The following VGLL1 variants were observed in gnomAD, a reference collection of about 807,000 sequenced individuals.
VGLL1 encodes transcription cofactor vestigial-like protein 1.
Under a neutral mutation model 12.0 loss-of-function variants are expected in VGLL1, and 4 were observed. The ratio of observed to expected loss-of-function variants is 0.33; its 90% CI spans 0.16 to 0.76. The LOEUF is 0.76. VGLL1 is among the 30% of genes least tolerant of loss of function. The probability of loss-of-function intolerance (pLI) is 0.60; values close to 1 mark genes in which losing one functional copy is unlikely to be tolerated. For missense variants in VGLL1, 204 were observed against 208.7 expected, an observed-to-expected ratio of 0.98 and a Z score of 0.14; for synonymous variants, 87 against 81.2, an observed-to-expected ratio of 1.07 and a Z score of -0.39.
intron 2 of VGLL1, among the ~76,000 whole-genome samples, chrX:136,543,734 C>T (rs988457758): frequency 1.1e-4 from 11 of 96,855 alleles, no homozygotes; most frequent in African/African-American, 3.5e-4. Context: ...CAGTACACTC[C>T]AGCCTGGGAG....
chrX:136,537,496 G>A (rs1603308173), intron 2 of VGLL1, among the ~76,000 whole-genome samples: 1 of 112,022 alleles, frequency 8.9e-6, no homozygotes, highest in Non-Finnish European at 1.9e-5. Context: ...TAAATGCTGG[G>A]TTTACTGCTC....
At chrX:136,548,519 TAA>T in intron 2 of VGLL1, 68 bp from the exon 3 acceptor site, 2 of 935,899 alleles carry the variant, frequency 2.1e-6, no homozygotes, top group Middle Eastern at 2.9e-4. Flanking sequence ...GAGTATGTAT[TAA>T]AAAAAAAACT....
chrX:136,552,013 C>A (rs2075887652), intron 4 of VGLL1, among the ~76,000 whole-genome samples: 1 of 111,447 alleles, frequency 9.0e-6, no homozygotes, highest in Non-Finnish European at 1.9e-5. Flanking sequence ...GGGGTGAGGG[C>A]AATCTATAGA....
chrX:136,539,524 C>T (rs2075850046), intron 2 of VGLL1, among the ~76,000 whole-genome samples: 1 of 111,476 alleles, frequency 9.0e-6, no homozygotes, highest in Admixed American at 9.5e-5. Flanking sequence ...ATACCTACTT[C>T]GCTTGCAGTC....
Position 136,556,507 on chromosome X carries a change from G to A in VGLL1, c.745G>A (p.Gly249Ser), listed in dbSNP as rs1420883279. Residue 249 changes from glycine (G) to serine (S), a missense_variant, in exon 5 of 5, where the codon GGC becomes AGC. Physicochemically the swap from Gly to Ser is moderately conservative, Grantham distance 56. Transcript: ENST00000370634. ...CTCACTTACACCACCAAACCACTGG[G>A]GCCACCCACATCGATACCTGCAGCA... ...KYSLTPPNHW[G>S]HPHRYLQHL 1 of 1,211,069 alleles carries A rather than the reference G, an allele frequency of 8.3e-7. No individual in the cohort carries two copies. Among genetic ancestry groups the A allele is most frequent in the Non-Finnish European group, 1.1e-6 (1 of 895,078 alleles).
chrX:136,550,741 C>A, intron 3 of VGLL1, 27 bp from the exon 4 acceptor site: 1 of 1,187,602 alleles, frequency 8.4e-7, no homozygotes, highest in Non-Finnish European at 1.1e-6. Context: ...ATTTCAGTTC[C>A]AATAATGTTT....
At chrX:136,540,711 A>G (rs999803189) in intron 2 of VGLL1, among the ~76,000 whole-genome samples, 1 of 111,794 alleles carries the variant, frequency 8.9e-6, no homozygotes, top group African/African-American at 3.3e-5. Flanking sequence ...ACCTACCACA[A>G]TGCCTGACAC....
rs3027860 is a variant in VGLL1 at position 136,536,196 on chromosome X, C to A, written c.176C>A (p.Thr59Asn). ...AATATCAAGAGCCCCCAGGAATTGA[C>A]CCCCTCGAGTCAGAGTGAAGGTGTG... Reference protein sequence around the residue: ...LSNIKSPQELTPSSQSEGVML... With the variant: ...LSNIKSPQELNPSSQSEGVML... The change falls in exon 2 of 5, where the codon ACC (threonine) becomes AAC (asparagine). Residue 59 changes from threonine (T) to asparagine (N), a missense_variant. Transcript: ENST00000370634. 100 of 1,208,734 alleles carry A rather than the reference C, an allele frequency of 8.3e-5. No homozygotes were observed. Among genetic ancestry groups the A allele is most frequent in the Non-Finnish European group, 1.1e-4 (98 of 894,990 alleles).
chrX:136,533,234 T>C (rs1296252173), intron 1 of VGLL1, among the ~76,000 whole-genome samples: 2 of 111,687 alleles, frequency 1.8e-5, no homozygotes, highest in African/African-American at 6.5e-5. Context: ...CTTTTGATTG[T>C]GTGCGGTGTG....
chrX:136,540,077 G>A lies in VGLL1; in HGVS notation c.214+3843G>A, dbSNP rs752429929. On this transcript the variant is annotated intron_variant, in intron 2 of 4. Transcript: ENST00000370634. ...GTCCTAGAAGCTATCATCACCCCCC[G>A]CTGAATTGCTGCAGTCACCTCCTAA... is the stretch of plus-strand genomic sequence containing the variant. Among the ~76,000 whole-genome samples the A allele has an allele frequency of 1.3e-4, 14 of 111,643 alleles. No homozygotes were observed. The South Asian group carries it at 4.5e-3, about 36-fold the overall frequency.
At chrX:136,554,533 C>A (rs1162695798) in intron 4 of VGLL1, among the ~76,000 whole-genome samples, 1 of 111,015 alleles carries the variant, frequency 9.0e-6, no homozygotes, top group Non-Finnish European at 1.9e-5. Flanking sequence ...ACATTGTGAG[C>A]CATGGAAGGA....
intron 1 of VGLL1, among the ~76,000 whole-genome samples, chrX:136,532,864 G>A (rs1281306161): frequency 9.1e-6 from 1 of 109,347 alleles, no homozygotes; most frequent in Non-Finnish European, 1.9e-5. Context: ...TCTACTACGA[G>A]AGGCTTTTGC....
At chrX:136,533,141 A>G (rs1358895951) in intron 1 of VGLL1, among the ~76,000 whole-genome samples, 1 of 111,301 alleles carries the variant, frequency 9.0e-6, no homozygotes, top group Non-Finnish European at 1.9e-5. Context: ...ATATTCCTCA[A>G]ATACAGTTTC....
At chrX:136,534,682 G>T (rs1026404244) in intron 1 of VGLL1, among the ~76,000 whole-genome samples, 1 of 112,256 alleles carries the variant, frequency 8.9e-6, no homozygotes, top group African/African-American at 3.2e-5. Context: ...AAGTGAGATT[G>T]CTGGGTCACA....
At chrX:136,534,122 A>G (rs1449443589) in intron 1 of VGLL1, among the ~76,000 whole-genome samples, 1 of 112,710 alleles carries the variant, frequency 8.9e-6, no homozygotes, top group African/African-American at 3.2e-5. Flanking sequence ...CCCTTCAAGT[A>G]TCAGAATAGA....
chrX:136,539,144 T>C (rs929179096), intron 2 of VGLL1, among the ~76,000 whole-genome samples: 5 of 111,996 alleles, frequency 4.5e-5, no homozygotes, highest in Non-Finnish European at 9.4e-5. Context: ...GATTTATTTC[T>C]GAACACATTG....
chrX:136,551,602 CAAAT>C (rs1569362776), intron 4 of VGLL1, among the ~76,000 whole-genome samples: 1 of 112,065 alleles, frequency 8.9e-6, no homozygotes, highest in Non-Finnish European at 1.9e-5. Context: ...TCATTTTTGT[CAAAT>C]AAGCATAAAA....
chrX:136,541,812 G>A (rs778088939), intron 2 of VGLL1, among the ~76,000 whole-genome samples: 1 of 112,331 alleles, frequency 8.9e-6, no homozygotes, highest in African/African-American at 3.2e-5. Context: ...AAATTTCCTG[G>A]CTTCTCTTCC....
At chrX:136,537,851 C>T (rs892710493) in intron 2 of VGLL1, among the ~76,000 whole-genome samples, 1 of 110,141 alleles carries the variant, frequency 9.1e-6, no homozygotes, top group African/African-American at 3.3e-5. Context: ...CAGGTGTGAA[C>T]CACCACACCC....
Sources: gnomAD v4.1 joint callset for allele counts (sites outside exome capture counted in the v4.1 genomes callset) on GRCh38, gnomAD v4.1.1 for gene constraint, MANE v1.5 for transcripts, NCBI Gene and HGNC (gene_info 2026-07-23, HGNC 2026-07-21) for gene names.